KCNIP4: variants seen among roughly 807,000 people sequenced by gnomAD.
The protein encoded by KCNIP4 is potassium voltage-gated channel interacting protein 4, also known as Kv channel-interacting protein 4.
KCNIP4 carries 12 observed loss-of-function variants against 34.0 expected under a neutral mutation model. The ratio of observed to expected loss-of-function variants is 0.35; its 90% CI spans 0.23 to 0.57. The LOEUF (loss-of-function observed/expected upper bound fraction) is 0.57, where lower values mean the gene tolerates loss of function less well. KCNIP4 is among the 20% of genes least tolerant of loss of function. The probability of loss-of-function intolerance (pLI) is 0.83; values close to 1 mark genes in which losing one functional copy is unlikely to be tolerated. For missense variants in KCNIP4, 238 were observed against 311.7 expected, an observed-to-expected ratio of 0.76 and a Z score of 1.78; for synonymous variants, 124 against 102.2, an observed-to-expected ratio of 1.21 and a Z score of -1.29.
At chr4:20,786,927 T>C (rs1422861594) in intron 3 of KCNIP4, among the ~76,000 whole-genome samples, 1 of 152,150 alleles carries the variant, frequency 6.6e-6, no homozygotes, top group Non-Finnish European at 1.5e-5. Context: ...CCCGATAAAG[T>C]ATCTCCCATC....
At chr4:21,849,379 AATGGC>A (rs1259918655) in intron 1 of KCNIP4, 1 of 152,238 alleles carries the variant, frequency 6.6e-6, no homozygotes, top group African/African-American at 2.4e-5. Flanking sequence ...TTTCTAATCT[AATGGC>A]ATCTCTTTCT....
At chr4:21,308,714 G>A (rs987540764) in intron 1 of KCNIP4, among the ~76,000 whole-genome samples, 1 of 96,284 alleles carries the variant, frequency 1.0e-5, no homozygotes, top group African/African-American at 5.1e-5. Flanking sequence ...CCGTGTGAGT[G>A]TGTGTGTGTG....
At chr4:21,122,221 C>T (rs1183287218) in intron 1 of KCNIP4, among the ~76,000 whole-genome samples, 1 of 147,316 alleles carries the variant, frequency 6.8e-6, no homozygotes, top group East Asian at 2.0e-4. Context: ...TCAATATTTT[C>T]CCCCAGGTAC....
chr4:21,123,353 C>T (rs1302868226), intron 1 of KCNIP4, among the ~76,000 whole-genome samples: 1 of 152,072 alleles, frequency 6.6e-6, no homozygotes, highest in African/African-American at 2.4e-5. Flanking sequence ...CAGAAACATC[C>T]CTGTCCTCAC....
intron 2 of KCNIP4, among the ~76,000 whole-genome samples, chr4:20,867,373 C>T (rs74983681): frequency 0.013 from 1,926 of 152,096 alleles, 48 homozygotes; most frequent in African/African-American, 0.043. Context: ...TAAAGTCACA[C>T]GCCTACCACC....
At chr4:21,315,587 T>G (rs985449603) in intron 1 of KCNIP4, among the ~76,000 whole-genome samples, 2 of 152,152 alleles carry the variant, frequency 1.3e-5, no homozygotes, top group Non-Finnish European at 2.9e-5. Context: ...CAACTGCCCT[T>G]AAAATACATC....
intron 1 of KCNIP4, among the ~76,000 whole-genome samples, chr4:20,940,266 A>G (rs1227688742): frequency 6.6e-6 from 1 of 152,158 alleles, no homozygotes; most frequent in Non-Finnish European, 1.5e-5. Context: ...GTCGTTCTAA[A>G]ATGAGTAATT....
chr4:20,902,312 T>C (rs765096761), intron 1 of KCNIP4, among the ~76,000 whole-genome samples: 1 of 152,086 alleles, frequency 6.6e-6, no homozygotes, highest in Non-Finnish European at 1.5e-5. Flanking sequence ...GAGTGATCTG[T>C]GCAGGGATGC....
intron 1 of KCNIP4, among the ~76,000 whole-genome samples, chr4:21,064,921 G>T (rs1280664051): frequency 1.3e-5 from 2 of 152,170 alleles, no homozygotes; most frequent in Admixed American, 6.5e-5. Context: ...ACATGGGTCA[G>T]CTTCTTACTT....
chr4:20,830,622 T>G (rs906576214), intron 3 of KCNIP4, among the ~76,000 whole-genome samples: 1 of 152,144 alleles, frequency 6.6e-6, no homozygotes, highest in African/African-American at 2.4e-5. Flanking sequence ...ATAATTACTC[T>G]GCCAAAAAAT....
At chr4:21,517,954 C>A (rs2279673) in intron 1 of KCNIP4, among the ~76,000 whole-genome samples, 48,939 of 151,932 alleles carry the variant, frequency 0.32, 8,237 homozygotes, top group South Asian at 0.46. Context: ...TTATTCCACA[C>A]AAAAGCCTAC....
intron 1 of KCNIP4, among the ~76,000 whole-genome samples, chr4:21,598,539 T>C (rs1419588592): frequency 6.6e-6 from 1 of 152,056 alleles, no homozygotes; most frequent in Non-Finnish European, 1.5e-5. Flanking sequence ...GGATTTGGCC[T>C]GGGGTTTATC....
At chr4:21,498,828 A>C (rs1733064869) in intron 1 of KCNIP4, among the ~76,000 whole-genome samples, 1 of 152,200 alleles carries the variant, frequency 6.6e-6, no homozygotes, top group East Asian at 1.9e-4. Context: ...CTGCTAAGAA[A>C]GTGAACCACA....
chr4:21,152,963 T>G (rs1250111195), intron 1 of KCNIP4, among the ~76,000 whole-genome samples: 4 of 152,130 alleles, frequency 2.6e-5, no homozygotes, highest in Non-Finnish European at 4.4e-5. Flanking sequence ...GCCAAAAGGG[T>G]TGGGGACCAC....
rs377365211 is a variant in KCNIP4 at position 20,972,749 on chromosome 4, C to A, written c.62-90040G>T. ...CCACAGCATGGAAAGGGGACCCGAG[C>A]AAGTTGCCTGATTTAGCATAATTTT... is the stretch of plus-strand genomic sequence containing the variant. On this transcript the variant is annotated intron_variant, in intron 1 of 8. Transcript: ENST00000382152. Among the ~76,000 whole-genome samples the A allele has an allele frequency of 1.1e-4, 16 of 152,202 alleles. No homozygotes were observed. In the East Asian group the frequency reaches 1.5e-3, roughly 15 times the overall value.
At chr4:21,705,960 C>G (rs1050538331) in intron 1 of KCNIP4, among the ~76,000 whole-genome samples, 2 of 152,102 alleles carry the variant, frequency 1.3e-5, no homozygotes, top group African/African-American at 4.8e-5. Flanking sequence ...TGGATGTGTG[C>G]AAGGATCCCA....
At chr4:20,905,509 C>CTTTCTTTTTTTTTTTTTTTT (rs71655610) in intron 1 of KCNIP4, among the ~76,000 whole-genome samples, 5 of 72,804 alleles carry the variant, frequency 6.9e-5, no homozygotes, top group Non-Finnish European at 1.4e-4. Flanking sequence ...CGTTTTCTTT[C>CTTTCTTTTTTTTTTTTTTTT]TTTTTTTTTT....
chr4:20,969,826 C>T (rs1373416900), intron 1 of KCNIP4, among the ~76,000 whole-genome samples: 1 of 151,688 alleles, frequency 6.6e-6, no homozygotes, highest in Non-Finnish European at 1.5e-5. Flanking sequence ...AATACTTGTG[C>T]TCTAATACTG....
chr4:21,715,610 A>G (rs1294142217), intron 1 of KCNIP4, among the ~76,000 whole-genome samples: 1 of 152,178 alleles, frequency 6.6e-6, no homozygotes, highest in Non-Finnish European at 1.5e-5. Flanking sequence ...TTTTTGCTAC[A>G]AAATAAATTA....
Sources: gnomAD v4.1 joint callset for allele counts (sites outside exome capture counted in the v4.1 genomes callset) on GRCh38, gnomAD v4.1.1 for gene constraint, MANE v1.5 for transcripts, NCBI Gene and HGNC (gene_info 2026-07-23, HGNC 2026-07-21) for gene names.